The following PTPRE variants were observed in gnomAD, a reference collection of about 807,000 sequenced individuals.
PTPRE encodes protein tyrosine phosphatase receptor type E, also known as receptor-type tyrosine-protein phosphatase epsilon.
Under a neutral mutation model 102.0 loss-of-function variants are expected in PTPRE, and 51 were observed. The ratio of observed to expected loss-of-function variants is 0.50; its 90% CI spans 0.40 to 0.63. The LOEUF is 0.63. Among genes scored for constraint, PTPRE ranks in the 30% least tolerant of loss-of-function variants. PTPRE has a pLI of 0.00. For synonymous variants in PTPRE, 345 were observed against 348.2 expected, an observed-to-expected ratio of 0.99 and a Z score of 0.10; for missense variants, 752 against 915.1, an observed-to-expected ratio of 0.82 and a Z score of 2.30.
Position 128,008,971 on chromosome 10 carries a change from GC to G in PTPRE, c.-8+26676del, listed in dbSNP as rs1025504367. ...CTGGGGCTGGGTTACTTTGTTTCCT[GC>G]AAATCTTACCAGGAGTGCACCTTGT... On this transcript the variant is annotated intron_variant, in intron 2 of 20. Coordinates refer to ENST00000254667, the MANE Select transcript of PTPRE (RefSeq NM_006504.6). The surrounding 1 kb of genome is among the most constrained non-coding windows in gnomAD (Gnocchi z 4.0). 3.3e-5 allele frequency among the ~76,000 whole-genome samples: 5 copies of G among 152,226 alleles called. No homozygotes were observed. Among genetic ancestry groups the G allele is most frequent in the Non-Finnish European group, 7.3e-5 (5 of 68,044 alleles).
intron 6 of PTPRE, 115 bp from the exon 7 acceptor site, chr10:128,056,008 C>A: frequency 2.6e-6 from 2 of 775,502 alleles, no homozygotes; most frequent in South Asian, 1.5e-5. Context: ...GGACTATGGA[C>A]AGCAGGTAGT....
intron 1 of PTPRE, among the ~76,000 whole-genome samples, chr10:127,952,442 G>T (rs923330136): frequency 6.0e-5 from 9 of 149,448 alleles, no homozygotes; most frequent in African/African-American, 2.2e-4. Flanking sequence ...TTATCAGCCT[G>T]CCCAGCTACT....
intron 1 of PTPRE, among the ~76,000 whole-genome samples, chr10:127,941,757 C>T (rs760427705): frequency 1.3e-5 from 2 of 152,098 alleles, no homozygotes; most frequent in Non-Finnish European, 2.9e-5. Context: ...ATACAACTCC[C>T]ACCCCCTCCA....
At chr10:128,078,315 G>A (rs1352618345) in intron 19 of PTPRE, among the ~76,000 whole-genome samples, 1 of 152,234 alleles carries the variant, frequency 6.6e-6, no homozygotes, top group Non-Finnish European at 1.5e-5. Context: ...GGTGGGACAT[G>A]CTTAGTCCGC....
chr10:127,918,052 G>T (rs1313300036), intron 1 of PTPRE, among the ~76,000 whole-genome samples: 2 of 151,828 alleles, frequency 1.3e-5, no homozygotes, highest in Non-Finnish European at 2.9e-5. Flanking sequence ...TATAATGATG[G>T]TTGTTGTCAT....
intron 1 of PTPRE, among the ~76,000 whole-genome samples, chr10:127,981,222 T>C (rs1394328685): frequency 6.6e-6 from 1 of 152,172 alleles, no homozygotes; most frequent in Non-Finnish European, 1.5e-5. Context: ...AGGCCACGTA[T>C]AGTGTGAGTC....
At chr10:128,047,882 CT>C (rs1564925411) in intron 5 of PTPRE, 45 bp downstream of exon 5, 1 of 1,521,506 alleles carries the variant, frequency 6.6e-7, no homozygotes, top group South Asian at 1.3e-5. Context: ...AAAATGTGTT[CT>C]TTTTTAGCAG....
intron 2 of PTPRE, among the ~76,000 whole-genome samples, chr10:128,000,171 T>G (rs1479280344): frequency 2.6e-5 from 4 of 152,350 alleles, no homozygotes; most frequent in African/African-American, 9.6e-5. Context: ...TTCTAAAATG[T>G]AACATCCATT....
chr10:128,049,541 G>A lies in PTPRE; in HGVS notation c.295G>A (p.Val99Met), dbSNP rs1431057854. ...GILEEQEQQR[V>M]MLLSRSPSGP... is the part of the protein sequence containing the mutation. Reference sequence around the variant, plus strand: ...TTTTGATCCCACAGAGCAGCAAAGGGTGATGCTGCTCAGCAGGTCACCCTC... The same window carrying A: ...TTTTGATCCCACAGAGCAGCAAAGGATGATGCTGCTCAGCAGGTCACCCTC... The change falls in exon 6 of 21, where the codon GTG becomes ATG. Residue 99 changes from valine to methionine, a missense_variant. Val to Met is a conservative substitution (Grantham distance 21, BLOSUM62 1). Coordinates refer to ENST00000254667, the MANE Select transcript of PTPRE (RefSeq NM_006504.6). 1.9e-6 allele frequency: 3 copies of A among 1,613,942 alleles called. No homozygotes were observed. Among genetic ancestry groups the A allele is most frequent in the Non-Finnish European group, 2.5e-6 (3 of 1,180,008 alleles).
intron 1 of PTPRE, among the ~76,000 whole-genome samples, chr10:127,955,048 A>G (rs1849297534): frequency 6.6e-6 from 1 of 151,924 alleles, no homozygotes; most frequent in African/African-American, 2.4e-5. Flanking sequence ...GATCCAGACT[A>G]CCAATGGGAA....
In PTPRE at chr10:128,070,258, C is replaced by G. The variant is rs770540664; in HGVS notation, c.1144-43C>G. On this transcript the variant is annotated intron_variant, in intron 13 of 20. Transcript: ENST00000254667. The surrounding 1 kb of genome is among the most constrained non-coding windows in gnomAD (Gnocchi z 4.8). ...CCAAGCTCCACGTGGGCCAAGACTG[C>G]AGGGCAGAGTTGAGGGTGTGGGCAC... 2 of 1,558,868 alleles carry G rather than the reference C, an allele frequency of 1.3e-6. No homozygotes were observed. Among genetic ancestry groups the G allele is most frequent in the South Asian group, 2.4e-5 (2 of 82,382 alleles).
rs186816852 is a variant in PTPRE at position 128,025,469 on chromosome 10, T to A, written c.-7-15406T>A. On this transcript the variant is annotated intron_variant, in intron 2 of 20. Coordinates refer to ENST00000254667, the MANE Select transcript of PTPRE (RefSeq NM_006504.6). ...ATTTGAGTATGGAAATAGCGATAGA[T>A]TTTATTGCCCCACTTTACAGACGAG... Among the ~76,000 whole-genome samples, 50 of 152,302 alleles carry A rather than the reference T, an allele frequency of 3.3e-4. No homozygotes were observed. In the East Asian group the frequency reaches 9.3e-3, roughly 28 times the overall value.
chr10:128,050,508 G>A (rs1848492605), intron 6 of PTPRE, among the ~76,000 whole-genome samples: 1 of 152,216 alleles, frequency 6.6e-6, no homozygotes, highest in Non-Finnish European at 1.5e-5. Context: ...TAGAGAAGTA[G>A]ACAAACAGAT....
At chr10:128,040,734 G>T in intron 2 of PTPRE, 141 bp from the exon 3 acceptor site, 1 of 636,412 alleles carries the variant, frequency 1.6e-6, no homozygotes. Flanking sequence ...GAGATGATCC[G>T]TGAAAGTGAC....
intron 7 of PTPRE, among the ~76,000 whole-genome samples, chr10:128,060,552 A>G (rs1282971009): frequency 2.0e-5 from 3 of 152,138 alleles, no homozygotes; most frequent in African/African-American, 7.2e-5. Context: ...GTGCACCCAC[A>G]CTTGGCAACA....
chr10:127,941,645 T>C (rs1315722189), intron 1 of PTPRE, among the ~76,000 whole-genome samples: 2 of 152,236 alleles, frequency 1.3e-5, no homozygotes, highest in Non-Finnish European at 2.9e-5. Flanking sequence ...CTAGCCGCAC[T>C]TGGTTTCTGG....
At chr10:127,964,874 A>G (rs547829148) in intron 1 of PTPRE, 1 of 393,872 alleles carries the variant, frequency 2.5e-6, no homozygotes, top group African/African-American at 2.1e-5. Context: ...CGAGCTCATC[A>G]GCGGGCTCCT....
At chr10:127,968,009 G>GGTAGGT (rs1554903008) in intron 1 of PTPRE, among the ~76,000 whole-genome samples, 1 of 143,134 alleles carries the variant, frequency 7.0e-6, no homozygotes, top group Non-Finnish European at 1.5e-5. Context: ...TTGCTCTATA[G>GGTAGGT]GTGTGTGTGT....
At chr10:128,077,826 G>T (rs767505475) in intron 19 of PTPRE, 43 bp downstream of exon 19, 14 of 1,551,188 alleles carry the variant, frequency 9.0e-6, no homozygotes, top group Non-Finnish European at 1.2e-5. Flanking sequence ...GTGGACACAG[G>T]CTGCACCCCC....
Sources: gnomAD v4.1 joint callset for allele counts (sites outside exome capture counted in the v4.1 genomes callset) on GRCh38, gnomAD v4.1.1 for gene constraint, Gnocchi (gnomAD v3.1) non-coding constraint, MANE v1.5 for transcripts, NCBI Gene and HGNC (gene_info 2026-07-23, HGNC 2026-07-21) for gene names.